SNX29: variants seen among roughly 807,000 people sequenced by gnomAD.
SNX29 encodes the protein sorting nexin-29.
Under a neutral mutation model 102.1 loss-of-function variants are expected in SNX29, and 78 were observed. That is an observed-to-expected ratio of 0.76 (90% confidence interval 0.64 to 0.92). The LOEUF (loss-of-function observed/expected upper bound fraction) is 0.92, where lower values mean the gene tolerates loss of function less well. Among genes scored for constraint, SNX29 ranks in the 40% least tolerant of loss-of-function variants. The probability of loss-of-function intolerance (pLI) is 0.00; values close to 1 mark genes in which losing one functional copy is unlikely to be tolerated. For missense variants in SNX29, 1,280 were observed against 1,061.7 expected, an observed-to-expected ratio of 1.21 and a Z score of -2.86; for synonymous variants, 580 against 414.5, an observed-to-expected ratio of 1.40 and a Z score of -4.85.
chr16:12,220,953 C>A (rs1172358932), intron 14 of SNX29, among the ~76,000 whole-genome samples: 1 of 152,126 alleles, frequency 6.6e-6, no homozygotes, highest in African/African-American at 2.4e-5. Flanking sequence ...TGCACATTTT[C>A]TAAAAATGAA....
chr16:12,481,413 TATAC>T (rs1363380619), intron 19 of SNX29, among the ~76,000 whole-genome samples: 2 of 147,102 alleles, frequency 1.4e-5, no homozygotes, highest in Non-Finnish European at 3.0e-5. Context: ...CACACACACA[TATAC>T]ATACACACAT....
At chr16:12,376,736 C>CAAAAAAAAAA in intron 16 of SNX29, among the ~76,000 whole-genome samples, 1 of 77,936 alleles carries the variant, frequency 1.3e-5, no homozygotes, top group Non-Finnish European at 2.3e-5. Context: ...GACTCTGTCT[C>CAAAAAAAAAA]AAAAAAAAAA....
chr16:12,208,174 T>C (rs2077093253), intron 14 of SNX29, among the ~76,000 whole-genome samples: 1 of 152,170 alleles, frequency 6.6e-6, no homozygotes, highest in Admixed American at 6.5e-5. Flanking sequence ...TCACATTCCA[T>C]GGGTGAGGGC....
intron 16 of SNX29, among the ~76,000 whole-genome samples, chr16:12,379,354 T>C (rs1160774687): frequency 1.3e-5 from 2 of 152,204 alleles, no homozygotes; most frequent in African/African-American, 4.8e-5. Context: ...ACTCCTGGGC[T>C]TAAGCGATCT....
At chr16:12,209,226 G>A (rs1194397793) in intron 14 of SNX29, among the ~76,000 whole-genome samples, 2 of 152,212 alleles carry the variant, frequency 1.3e-5, no homozygotes, top group East Asian at 3.9e-4. Flanking sequence ...GGAGCCTGGA[G>A]AGATGATGGG....
chr16:12,310,111 C>T (rs1363188796), intron 15 of SNX29, among the ~76,000 whole-genome samples: 1 of 135,800 alleles, frequency 7.4e-6, no homozygotes, highest in Non-Finnish European at 1.6e-5. Flanking sequence ...TGCACACATA[C>T]ACGTGCACGC....
intron 19 of SNX29, among the ~76,000 whole-genome samples, chr16:12,479,616 A>T (rs1012717637): frequency 6.6e-6 from 1 of 152,258 alleles, no homozygotes; most frequent in Non-Finnish European, 1.5e-5. Flanking sequence ...GAGTACAAGA[A>T]TTCTTTTGAA....
intron 13 of SNX29, among the ~76,000 whole-genome samples, chr16:12,172,802 T>G (rs1031640520): frequency 3.3e-5 from 5 of 152,102 alleles, no homozygotes; most frequent in Non-Finnish European, 7.4e-5. Flanking sequence ...GGTAAAGTAA[T>G]GGATGTGAAG....
intron 19 of SNX29, among the ~76,000 whole-genome samples, chr16:12,515,836 A>G (rs1442267816): frequency 6.6e-6 from 1 of 152,236 alleles, no homozygotes; most frequent in Non-Finnish European, 1.5e-5. Flanking sequence ...AGCCAGCACA[A>G]TTAACGCGAG....
intron 14 of SNX29, among the ~76,000 whole-genome samples, chr16:12,231,535 A>G (rs548886646): frequency 1.0e-3 from 120 of 117,730 alleles, no homozygotes; most frequent in Non-Finnish European, 7.2e-4. Flanking sequence ...GCCTTTTTAA[A>G]AAAAAAACAA....
At chr16:12,414,131 C>T (rs144265549) in intron 18 of SNX29, among the ~76,000 whole-genome samples, 113 of 152,254 alleles carry the variant, frequency 7.4e-4, no homozygotes, top group African/African-American at 2.6e-3. Flanking sequence ...AGTAGAGATG[C>T]ACTTTTTTGA....
At chr16:12,558,171 C>G (rs529078503) in intron 20 of SNX29, among the ~76,000 whole-genome samples, 3 of 152,232 alleles carry the variant, frequency 2.0e-5, no homozygotes, top group Non-Finnish European at 4.4e-5. Flanking sequence ...AGGCGTAATG[C>G]ATCTCAGTTT....
At chr16:12,411,446 TG>T (rs2084395246) in intron 18 of SNX29, among the ~76,000 whole-genome samples, 2 of 152,328 alleles carry the variant, frequency 1.3e-5, no homozygotes, top group South Asian at 4.1e-4. Context: ...CAGGAAAGCC[TG>T]ATGTAGGTGA....
intron 20 of SNX29, among the ~76,000 whole-genome samples, chr16:12,566,365 TCCCA>T (rs1476776242): frequency 6.6e-6 from 1 of 152,006 alleles, no homozygotes; most frequent in African/African-American, 2.4e-5. Flanking sequence ...ACCTCTCCTC[TCCCA>T]ACCAACAAGG....
At chr16:12,230,859 C>G (rs1266089145) in intron 14 of SNX29, among the ~76,000 whole-genome samples, 1 of 151,530 alleles carries the variant, frequency 6.6e-6, no homozygotes, top group Non-Finnish European at 1.5e-5. Context: ...TATGTATGTA[C>G]TTACTGAGAT....
In SNX29 at chr16:12,271,784, G is replaced by T. The variant is rs891803108; in HGVS notation, c.1679-6149G>T. Among the ~76,000 whole-genome samples the T allele has an allele frequency of 7.9e-5, 12 of 151,950 alleles. 1 individual carries two copies. The highest frequency in any genetic ancestry group is 7.2e-4 in the Admixed American group (11 of 15,258). ...ATTACAGGCATGTGCCACCATGCCC[G>T]ACTAATTTTTGTATTTTTAGTGGAG... On this transcript the variant is annotated intron_variant, in intron 14 of 20. Transcript: ENST00000566228.
intron 15 of SNX29, among the ~76,000 whole-genome samples, chr16:12,310,235 G>T (rs535540233): frequency 3.3e-5 from 5 of 152,306 alleles, no homozygotes; most frequent in African/African-American, 4.8e-5. Flanking sequence ...GAGACTCACC[G>T]AAATGCTACT....
chr16:11,999,164 T>A, intron 1 of SNX29, 133 bp from the exon 2 acceptor site: 1 of 750,696 alleles, frequency 1.3e-6, no homozygotes, highest in Non-Finnish European at 2.2e-6. Flanking sequence ...CAAACTTCAT[T>A]GTAATGATAC....
intron 20 of SNX29, among the ~76,000 whole-genome samples, chr16:12,540,915 T>C (rs1756900631): frequency 6.6e-6 from 1 of 152,198 alleles, no homozygotes; most frequent in African/African-American, 2.4e-5. Context: ...GACAGCCCTG[T>C]CTGTTCACCC....
Sources: allele counts gnomAD v4.1 joint callset (sites outside exome capture counted in the v4.1 genomes callset), GRCh38; gene constraint gnomAD v4.1.1; transcripts MANE v1.5; gene names NCBI Gene and HGNC (gene_info 2026-07-23, HGNC 2026-07-21).